The following SYT13 variants were observed in gnomAD, a reference collection of about 807,000 sequenced individuals.
SYT13 encodes synaptotagmin 13.
In SYT13, 21 loss-of-function variants were observed where a neutral mutation model predicts 38.6. That is an observed-to-expected ratio of 0.54 (90% CI 0.39 to 0.78). The LOEUF is 0.78. Among genes scored for constraint, SYT13 ranks in the 30% least tolerant of loss-of-function variants. The pLI is 0.00. For synonymous variants in SYT13, 241 were observed against 237.6 expected (o/e 1.01, Z -0.13); for missense variants, 495 against 548.7 (o/e 0.90, Z 0.98).
At chr11:45,275,635 T>G (rs1855001519) in intron 1 of SYT13, among the ~76,000 whole-genome samples, 3 of 152,194 alleles carry the variant, frequency 2.0e-5, no homozygotes, top group Non-Finnish European at 2.9e-5. Context: ...TACAGCACCC[T>G]TTATCTAATG....
chr11:45,249,285 C>T (rs770641519), intron 4 of SYT13, among the ~76,000 whole-genome samples: 2 of 152,172 alleles, frequency 1.3e-5, no homozygotes, highest in Non-Finnish European at 2.9e-5. Flanking sequence ...AAAAGGAATG[C>T]TTTTACACTG....
intron 1 of SYT13, among the ~76,000 whole-genome samples, chr11:45,262,786 T>C (rs1854835268): frequency 7.0e-6 from 1 of 143,574 alleles, no homozygotes; most frequent in African/African-American, 2.6e-5. Flanking sequence ...ACTGTACACT[T>C]AAAAATGGTG....
intron 1 of SYT13, among the ~76,000 whole-genome samples, chr11:45,271,457 C>CAG (rs1013148134): frequency 7.9e-5 from 12 of 152,052 alleles, no homozygotes; most frequent in Non-Finnish European, 1.5e-4. Context: ...AGGACAGCAG[C>CAG]AGTGTGCATC....
intron 1 of SYT13, among the ~76,000 whole-genome samples, chr11:45,276,712 T>A (rs1322018171): frequency 7.6e-4 from 100 of 131,402 alleles, no homozygotes; most frequent in South Asian, 1.6e-3. Context: ...GATGACTTTT[T>A]AAAAAAAAAA....
At chr11:45,276,126 G>A (rs1179908620) in intron 1 of SYT13, among the ~76,000 whole-genome samples, 3 of 152,124 alleles carry the variant, frequency 2.0e-5, no homozygotes, top group South Asian at 2.1e-4. Flanking sequence ...ATAAAGACAC[G>A]TGTACATGTA....
In SYT13 at chr11:45,255,701, T is replaced by A. The variant is rs776389390; in HGVS notation, c.374A>T (p.Gln125Leu). 6.2e-7 allele frequency: 1 copy of A among 1,614,148 alleles called. No homozygotes were observed. The highest frequency in any genetic ancestry group is 1.1e-5 in the South Asian group (1 of 91,072). ...QPPNDSRLKR[Q>L]VTEELFILPQ... ...GAGGATGAACAGCTCCTCTGTGACC[T>A]GCCTCTTGAGGCGACTGTCATTCGG... The change falls in exon 2 of 6, where the codon CAG becomes CTG. Residue 125 changes from glutamine (Q) to leucine (L), a missense_variant. Coordinates refer to ENST00000020926, the MANE Select transcript of SYT13 (RefSeq NM_020826.3).
At chr11:45,272,998 C>T (rs1045390641) in intron 1 of SYT13, among the ~76,000 whole-genome samples, 3 of 152,162 alleles carry the variant, frequency 2.0e-5, no homozygotes, top group Non-Finnish European at 4.4e-5. Context: ...TATTATTAAT[C>T]ATTAGGGTTG....
chr11:45,274,586 CA>C (rs570596766), intron 1 of SYT13, among the ~76,000 whole-genome samples: 396 of 152,332 alleles, frequency 2.6e-3, no homozygotes, highest in Middle Eastern at 0.014. Context: ...CTCTGAGAAG[CA>C]GGGTGCAGGG....
rs112204407 is a variant in SYT13, at chr11:45,286,331, G to C, written c.-124C>G. The C allele has an allele frequency of 2.5e-6, 3 of 1,182,094 alleles. No homozygotes were observed. The highest frequency in any genetic ancestry group is 1.6e-5 in the South Asian group (1 of 61,240). The allele number at this position is 1,182,094 out of a possible 1,614,324, so 73.2% of individuals were successfully genotyped here. ...GCTCTCCCGCCGCCAGAGGGGCGGGGACGGAGGGAGGGAGGACGGCTGCGA... is the reference window on the plus strand; with the variant it reads ...GCTCTCCCGCCGCCAGAGGGGCGGGCACGGAGGGAGGGAGGACGGCTGCGA... On this transcript the variant is annotated 5_prime_UTR_variant, in exon 1 of 6. Coordinates refer to ENST00000020926, the MANE Select transcript of SYT13 (RefSeq NM_020826.3).
chr11:45,248,498 C>T (rs1854638750), intron 4 of SYT13, among the ~76,000 whole-genome samples: 1 of 152,180 alleles, frequency 6.6e-6, no homozygotes, highest in Non-Finnish European at 1.5e-5. Context: ...AGTGGCAAAA[C>T]CAAGCCTTGG....
chr11:45,248,125 C>T (rs978150405), intron 4 of SYT13, among the ~76,000 whole-genome samples: 1 of 152,192 alleles, frequency 6.6e-6, no homozygotes, highest in Non-Finnish European at 1.5e-5. Context: ...TTCTGCATGA[C>T]CCCAATGATT....
At chr11:45,261,871 A>T (rs1854821278) in intron 1 of SYT13, among the ~76,000 whole-genome samples, 1 of 150,284 alleles carries the variant, frequency 6.7e-6, no homozygotes, top group Non-Finnish European at 1.5e-5. Flanking sequence ...AGCCAAGATC[A>T]TGCCACTGCA....
intron 1 of SYT13, among the ~76,000 whole-genome samples, chr11:45,276,964 ACTATT>A (rs1478593203): frequency 1.3e-5 from 2 of 152,224 alleles, no homozygotes; most frequent in African/African-American, 4.8e-5. Context: ...ACTTAGCAGT[ACTATT>A]CACAATGGCC....
At chr11:45,279,847 T>C (rs1051115578) in intron 1 of SYT13, among the ~76,000 whole-genome samples, 1 of 151,238 alleles carries the variant, frequency 6.6e-6, no homozygotes, top group Non-Finnish European at 1.5e-5. Flanking sequence ...GTTCCAGGAG[T>C]GGGGTTAGCA....
rs200496973 is a variant in SYT13, at chr11:45,252,480, C to A, written c.787G>T (p.Asp263Tyr). ...SVAGELRLGL[D>Y]GTSVPLGAAQ... ...GCCCCTAGAGGCACAGATGTCCCGT[C>A]CAGGCCCAGGCGGAGCTCCCCGGCC... Residue 263 changes from aspartate (D) to tyrosine (Y), a missense_variant, in exon 4 of 6, where the codon GAC becomes TAC. By Grantham distance (160) the Asp-to-Tyr change is radical (BLOSUM62 -3). Coordinates refer to ENST00000020926, the MANE Select transcript of SYT13 (RefSeq NM_020826.3). This position sits in a 1 kb window ranked among gnomAD's most constrained non-coding sequence, Gnocchi z 4.3. The A allele has an allele frequency of 2.2e-5, 36 of 1,613,118 alleles. 1 individual carries two copies. In the East Asian group the frequency reaches 8.0e-4, roughly 36 times the overall value.
intron 1 of SYT13, among the ~76,000 whole-genome samples, chr11:45,256,386 TC>T (rs1854747698): frequency 6.6e-6 from 1 of 152,156 alleles, no homozygotes; most frequent in Non-Finnish European, 1.5e-5. Flanking sequence ...GTCACTGAGC[TC>T]CCTGCTTCTC....
At chr11:45,279,706 G>T (rs532634771) in intron 1 of SYT13, among the ~76,000 whole-genome samples, 16 of 152,292 alleles carry the variant, frequency 1.1e-4, no homozygotes, top group African/African-American at 3.9e-4. Flanking sequence ...CTTCATTGTG[G>T]TGGTGGTGGT....
chr11:45,285,160 A>G (rs906779264), intron 1 of SYT13, among the ~76,000 whole-genome samples: 59 of 152,318 alleles, frequency 3.9e-4, no homozygotes, highest in African/African-American at 1.4e-3. Context: ...TCTCCAGAGA[A>G]CATTCTGCAT....
intron 2 of SYT13, among the ~76,000 whole-genome samples, chr11:45,255,392 T>C (rs1461633751): frequency 6.6e-6 from 1 of 152,156 alleles, no homozygotes; most frequent in African/African-American, 2.4e-5. Context: ...GTTTTAACCA[T>C]GGCTCTTTAT....
Sources: gnomAD v4.1 joint callset for allele counts (sites outside exome capture counted in the v4.1 genomes callset) on GRCh38, gnomAD v4.1.1 for gene constraint, Gnocchi (gnomAD v3.1) non-coding constraint, MANE v1.5 for transcripts, NCBI Gene and HGNC (gene_info 2026-07-23, HGNC 2026-07-21) for gene names.